TRPC4AP: variants seen among roughly 807,000 people sequenced by gnomAD.
TRPC4AP encodes short transient receptor potential channel 4-associated protein.
A neutral mutation model predicts 99.0 loss-of-function variants in TRPC4AP; 45 were observed. The ratio of observed to expected loss-of-function variants is 0.45; its 90% confidence interval spans 0.36 to 0.58. The LOEUF is 0.58. TRPC4AP is among the 20% of genes least tolerant of loss of function. The pLI is 0.00. For synonymous variants in TRPC4AP, 408 were observed against 385.8 expected (o/e 1.06, Z -0.67); for missense variants, 879 against 985.3 (o/e 0.89, Z 1.44).
rs544952414 is a variant in TRPC4AP at position 35,037,605 on chromosome 20, T to C, written c.866-2297A>G. Reference sequence around the variant, plus strand: ...ATAAAGGAATGAAGTACTGACATGCTACAACATTAATGAACCACAAAAACA... The same window carrying C: ...ATAAAGGAATGAAGTACTGACATGCCACAACATTAATGAACCACAAAAACA... On this transcript the variant is annotated intron_variant, in intron 7 of 18. Transcript: ENST00000252015. 2.0e-5 allele frequency among the ~76,000 whole-genome samples: 3 copies of C among 152,316 alleles called. No homozygotes were observed. In the East Asian group the frequency reaches 5.8e-4, roughly 29 times the overall value.
chr20:35,024,027 C>T (rs897773513), intron 8 of TRPC4AP, among the ~76,000 whole-genome samples: 7 of 152,172 alleles, frequency 4.6e-5, no homozygotes, highest in African/African-American at 1.7e-4. Context: ...AACCAGCTCA[C>T]GAGGCCTGTG....
intron 13 of TRPC4AP, among the ~76,000 whole-genome samples, chr20:35,008,231 A>G (rs1433875173): frequency 1.3e-5 from 2 of 152,304 alleles, no homozygotes; most frequent in East Asian, 3.9e-4. Context: ...GACTCATCTT[A>G]GATGTATCTA....
At chr20:35,068,978 C>CACACACACAAA (rs748790693) in intron 3 of TRPC4AP, among the ~76,000 whole-genome samples, 1 of 95,212 alleles carries the variant, frequency 1.1e-5, no homozygotes, top group Non-Finnish European at 2.2e-5. Context: ...CACACACACA[C>CACACACACAAA]AAAAAAAACA....
chr20:35,053,259 C>T (rs951828650), intron 5 of TRPC4AP, among the ~76,000 whole-genome samples: 13 of 152,136 alleles, frequency 8.5e-5, no homozygotes, highest in African/African-American at 3.1e-4. Flanking sequence ...TAAACTAAGT[C>T]ACCCTTACTG....
chr20:35,079,119 G>A (rs2084559295), intron 1 of TRPC4AP, among the ~76,000 whole-genome samples: 1 of 152,044 alleles, frequency 6.6e-6, no homozygotes, highest in South Asian at 2.1e-4. Flanking sequence ...GAAAGATGGA[G>A]TAGTTATATT....
At chr20:35,073,917 T>C (rs531327604) in intron 2 of TRPC4AP, among the ~76,000 whole-genome samples, 19 of 152,356 alleles carry the variant, frequency 1.2e-4, no homozygotes, top group African/African-American at 4.3e-4. Context: ...TTTTGGTTGG[T>C]AGGCTATTAA....
chr20:35,031,149 G>C (rs2083181642), intron 8 of TRPC4AP, among the ~76,000 whole-genome samples: 1 of 152,044 alleles, frequency 6.6e-6, no homozygotes, highest in Non-Finnish European at 1.5e-5. Context: ...CTGATGAGCA[G>C]TCAGCCACTA....
intron 7 of TRPC4AP, among the ~76,000 whole-genome samples, chr20:35,037,810 T>G (rs976419274): frequency 6.6e-6 from 1 of 152,178 alleles, no homozygotes; most frequent in African/African-American, 2.4e-5. Context: ...ACACAAATAC[T>G]TACCATTATG....
intron 7 of TRPC4AP, among the ~76,000 whole-genome samples, chr20:35,037,733 C>T (rs192997104): frequency 1.3e-5 from 2 of 152,310 alleles, no homozygotes; most frequent in East Asian, 3.9e-4. Flanking sequence ...AACGACCACA[C>T]AGAAGACGGT....
Position 35,092,769 on chromosome 20 carries a change from G to GCGC in TRPC4AP, c.10_12dup (p.Ala4dup). On this transcript the variant is annotated inframe_insertion, in exon 1 of 19. Coordinates refer to ENST00000252015, the MANE Select transcript of TRPC4AP (RefSeq NM_015638.3). ...CCGGCTCCAGACCCAGCCGCTACCG[G>GCGC]CGCCGCCGCCATGTCTCCTCGTCGG... 2.6e-6 allele frequency: 4 copies of GCGC among 1,539,594 alleles called. No individual in the cohort carries two copies. Among genetic ancestry groups the GCGC allele is most frequent in the Non-Finnish European group, 3.5e-6 (4 of 1,155,334 alleles).
chr20:35,004,997 G>A (rs545609119), intron 16 of TRPC4AP, among the ~76,000 whole-genome samples: 22 of 152,296 alleles, frequency 1.4e-4, no homozygotes, highest in South Asian at 8.3e-4. Flanking sequence ...AGGTGAGTCC[G>A]GCCCAGTGCT....
chr20:35,017,475 T>C (rs759643402), intron 9 of TRPC4AP, among the ~76,000 whole-genome samples: 20 of 152,240 alleles, frequency 1.3e-4, no homozygotes, highest in Non-Finnish European at 2.1e-4. Context: ...AATTTGTTTA[T>C]ATAACATAAG....
chr20:35,041,155 A>AGGAAG (rs1555909104), intron 7 of TRPC4AP, among the ~76,000 whole-genome samples: 1 of 152,146 alleles, frequency 6.6e-6, no homozygotes, highest in African/African-American at 2.4e-5. Context: ...TCTGTTAGTT[A>AGGAAG]AGCCACCTAG....
chr20:35,052,374 G>A (rs1033766777), intron 5 of TRPC4AP, among the ~76,000 whole-genome samples: 2 of 152,148 alleles, frequency 1.3e-5, no homozygotes, highest in Non-Finnish European at 2.9e-5. Flanking sequence ...GATTATAGGT[G>A]TGAGCCACTG....
chr20:35,064,958 C>T (rs888740639), intron 3 of TRPC4AP, among the ~76,000 whole-genome samples: 3 of 152,166 alleles, frequency 2.0e-5, no homozygotes, highest in African/African-American at 4.8e-5. Context: ...TTTTGACTTA[C>T]GTCTTCATCA....
At chr20:35,026,388 A>C (rs1410635502) in intron 8 of TRPC4AP, among the ~76,000 whole-genome samples, 1 of 151,770 alleles carries the variant, frequency 6.6e-6, no homozygotes, top group African/African-American at 2.4e-5. Flanking sequence ...CTAATTTTTA[A>C]ATTTTTTATA....
At chr20:35,049,550 C>T (rs546133183) in intron 6 of TRPC4AP, among the ~76,000 whole-genome samples, 1 of 152,140 alleles carries the variant, frequency 6.6e-6, no homozygotes, top group Non-Finnish European at 1.5e-5. Context: ...CTACAAAGAA[C>T]TTGCCCCAAC....
At chr20:35,091,957 C>A (rs1196721598) in intron 1 of TRPC4AP, among the ~76,000 whole-genome samples, 1 of 151,784 alleles carries the variant, frequency 6.6e-6, no homozygotes, top group East Asian at 1.9e-4. Context: ...AGGCCTGACT[C>A]CAGAGTCCCT....
intron 2 of TRPC4AP, among the ~76,000 whole-genome samples, chr20:35,075,361 T>C (rs1371192622): frequency 1.3e-5 from 2 of 152,244 alleles, no homozygotes; most frequent in Admixed American, 1.3e-4. Context: ...ATCGAAGGTC[T>C]TTACAATTTG....
Sources: gnomAD v4.1 joint callset for allele counts (sites outside exome capture counted in the v4.1 genomes callset) on GRCh38, gnomAD v4.1.1 for gene constraint, MANE v1.5 for transcripts, NCBI Gene and HGNC (gene_info 2026-07-23, HGNC 2026-07-21) for gene names.